PADI6: variants seen among roughly 807,000 people sequenced by gnomAD.
The protein encoded by PADI6 is peptidyl arginine deiminase 6.
Under a neutral mutation model 78.2 loss-of-function variants are expected in PADI6, and 66 were observed. The observed-to-expected ratio is 0.84, with a 90% CI of 0.69 to 1.04. The LOEUF is 1.04. PADI6 is among the 50% of genes least tolerant of loss of function. PADI6 has a pLI of 0.00. For synonymous variants in PADI6, 397 were observed against 346.9 expected, an observed-to-expected ratio of 1.14 and a Z score of -1.60; for missense variants, 854 against 866.1, an observed-to-expected ratio of 0.99 and a Z score of 0.18.
chr1:17,382,597 G>C (rs535197616), intron 6 of PADI6, among the ~76,000 whole-genome samples: 1 of 152,284 alleles, frequency 6.6e-6, no homozygotes, highest in South Asian at 2.1e-4. Flanking sequence ...CTCCTGGGAG[G>C]CAGGTAGCAT....
At chr1:17,389,192 G>A (rs1278939706) in intron 8 of PADI6, among the ~76,000 whole-genome samples, 1 of 152,206 alleles carries the variant, frequency 6.6e-6, no homozygotes, top group East Asian at 1.9e-4. Context: ...CTGTCCCAGG[G>A]ACGATGAAGC....
Position 17,392,207 on chromosome 1 carries a change from C to T in PADI6, c.1056C>T (p.Arg352=), listed in dbSNP as rs369052562. The T allele has an allele frequency of 6.3e-4, 988 of 1,556,414 alleles. 1 individual carries two copies. Among genetic ancestry groups the T allele is most frequent in the Non-Finnish European group, 8.2e-4 (948 of 1,149,780 alleles). ...QVASVYEDPN[R]LGRWLQDEMA... ...CATCTGTCTATGAGGACCCCAACCGCCTGGGCAGGTGGCTCCAGGTAACAC... is the reference window on the plus strand; with the variant it reads ...CATCTGTCTATGAGGACCCCAACCGTCTGGGCAGGTGGCTCCAGGTAACAC... The change falls in exon 9 of 16, where the codon CGC becomes CGT. Residue 352 remains arginine (R), a synonymous_variant. Coordinates refer to ENST00000619609, the MANE Select transcript of PADI6 (RefSeq NM_207421.4).
At chr1:17,387,518 G>C (rs940545787) in intron 6 of PADI6, among the ~76,000 whole-genome samples, 2 of 152,044 alleles carry the variant, frequency 1.3e-5, no homozygotes, top group Non-Finnish European at 2.9e-5. Flanking sequence ...GGAGGTCCGA[G>C]GTAGGCAGAT....
rs144547124 is a variant in PADI6 at position 17,379,111 on chromosome 1, A to ATTTTTTTTT, written c.368-796_368-788dup. On this transcript the variant is annotated intron_variant, in intron 3 of 15. Transcript: ENST00000619609. Reference sequence around the variant, plus strand: ...AGGTACCCTCCACCATGCCCAGTTAATTTTTTTTTTTTTTTTTTTTTAAGA... The same window carrying ATTTTTTTTT: ...AGGTACCCTCCACCATGCCCAGTTAATTTTTTTTTTTTTTTTTTTTTTTTTTTTTTAAGA... 8.2e-4 allele frequency among the ~76,000 whole-genome samples: 83 copies of ATTTTTTTTT among 100,804 alleles called. 6 individuals are homozygous for ATTTTTTTTT. Among genetic ancestry groups the ATTTTTTTTT allele is most frequent in the African/African-American group, 4.4e-3 (76 of 17,322 alleles). 66.1% of individuals were successfully genotyped at this position (100,804 alleles called of 152,430 possible). A position where few individuals can be genotyped will look rare whatever the true frequency, so the allele number is the denominator to read the frequency against.
rs1557608241 is a variant in PADI6, at chr1:17,394,967, A to G, written c.1354A>G (p.Met452Val). The stretch of plus-strand genomic sequence containing the variant: ...TCCTTCTAGCGCAGAGGGCCGGGCC[A>G]TGAGTAAGACCCTCCGAGACTTCCT... ...SFYPSAEGRAMSKTLRDFLYA... is the reference protein window; with the variant it reads ...SFYPSAEGRAVSKTLRDFLYA... Residue 452 changes from methionine (M) to valine (V), a missense_variant, in exon 12 of 16, where the codon ATG becomes GTG. Transcript: ENST00000619609. 6 of 1,612,476 alleles carry G rather than the reference A, an allele frequency of 3.7e-6. 1 individual carries two copies. In the South Asian group the frequency reaches 5.5e-5, roughly 15 times the overall value.
intron 7 of PADI6, 82 bp downstream of exon 7, chr1:17,388,641 G>A (rs2075151063): frequency 9.5e-6 from 14 of 1,469,732 alleles, no homozygotes; most frequent in East Asian, 2.4e-5. Flanking sequence ...GGCAGAGCTT[G>A]AGGTTTGCTG....
At chr1:17,397,044 A>G (rs372157861) in intron 13 of PADI6, 27 bp from the exon 14 acceptor site, 268 of 1,609,636 alleles carry the variant, frequency 1.7e-4, no homozygotes, top group Non-Finnish European at 2.2e-4. Flanking sequence ...CCTGACCAGC[A>G]GGCCTGCTGC....
At chr1:17,396,821 C>T (rs547553998) in intron 13 of PADI6, among the ~76,000 whole-genome samples, 1 of 152,364 alleles carries the variant, frequency 6.6e-6, no homozygotes, top group African/African-American at 2.4e-5. Context: ...AGGCTATTCC[C>T]CCTCATGCTG....
intron 8 of PADI6, among the ~76,000 whole-genome samples, chr1:17,389,119 A>G (rs2075157183): frequency 6.6e-6 from 1 of 152,220 alleles, no homozygotes; most frequent in Admixed American, 6.5e-5. Context: ...GCCAAACGGC[A>G]TGGTTTTAAA....
intron 6 of PADI6, among the ~76,000 whole-genome samples, chr1:17,385,738 C>T (rs972441625): frequency 1.3e-5 from 2 of 152,142 alleles, no homozygotes; most frequent in African/African-American, 4.8e-5. Context: ...ATGACATCGT[C>T]GTCCCCAAAA....
At chr1:17,397,650 C>CT (rs765229208) in intron 14 of PADI6, among the ~76,000 whole-genome samples, 10 of 152,008 alleles carry the variant, frequency 6.6e-5, no homozygotes, top group Non-Finnish European at 1.5e-4. Context: ...AGATACCTCA[C>CT]TACAAACCCT....
intron 6 of PADI6, among the ~76,000 whole-genome samples, chr1:17,384,200 C>G (rs991308632): frequency 6.6e-6 from 1 of 151,758 alleles, no homozygotes; most frequent in East Asian, 1.9e-4. Context: ...TTTTAACAAG[C>G]CTTCCAGGTG....
chr1:17,392,559 C>T (rs868008755), intron 9 of PADI6, among the ~76,000 whole-genome samples: 1 of 152,224 alleles, frequency 6.6e-6, no homozygotes, highest in Admixed American at 6.5e-5. Flanking sequence ...CTGACTCTGG[C>T]ACAGCACCAA....
chr1:17,399,119 C>T (rs2075276286), intron 15 of PADI6, among the ~76,000 whole-genome samples: 2 of 152,136 alleles, frequency 1.3e-5, no homozygotes, highest in African/African-American at 2.4e-5. Context: ...GCTGCGCCCC[C>T]AGTCTAAAAG....
chr1:17,388,434 A>ACC lies in PADI6; in HGVS notation c.734_735dup (p.Leu246ProfsTer9). On this transcript the variant is annotated frameshift_variant, in exon 7 of 16. Transcript: ENST00000619609. LOFTEE classifies it high-confidence loss of function. ...GCTGGGGCCCGACCAGCACGCCTAT[A>ACC]CCTTGGCCCTCCTCGGGAACCACTT... is the stretch of plus-strand genomic sequence containing the variant. The ACC allele has an allele frequency of 6.2e-7, 1 of 1,613,718 alleles. No individual in the cohort carries two copies. Among genetic ancestry groups the ACC allele is most frequent in the Non-Finnish European group, 8.5e-7 (1 of 1,179,798 alleles).
intron 8 of PADI6, among the ~76,000 whole-genome samples, chr1:17,390,263 T>C (rs1200066622): frequency 1.3e-5 from 2 of 151,614 alleles, no homozygotes; most frequent in Non-Finnish European, 2.9e-5. Context: ...ATAGCCCCAC[T>C]GCACTGCAGC....
chr1:17,383,240 T>TG (rs2075089667), intron 6 of PADI6, among the ~76,000 whole-genome samples: 1 of 152,214 alleles, frequency 6.6e-6, no homozygotes, highest in Non-Finnish European at 1.5e-5. Flanking sequence ...TCTGGGGCCT[T>TG]GGCTCAGTCT....
In PADI6 at chr1:17,395,109, T is replaced by G; in HGVS notation, c.1494+2T>G. On this transcript the variant is annotated splice_donor_variant, in intron 12 of 15. Coordinates refer to ENST00000619609, the MANE Select transcript of PADI6 (RefSeq NM_207421.4). LOFTEE classifies it high-confidence loss of function. ...GATGACAAGAATGAGGGCAAAAAGG[T>G]CTGCTTTGGGGTCTGGAGAAGGGAC... 1.2e-6 allele frequency: 2 copies of G among 1,613,538 alleles called. No homozygotes were observed. Among genetic ancestry groups the G allele is most frequent in the Non-Finnish European group, 1.7e-6 (2 of 1,179,612 alleles).
At chr1:17,392,634 T>A (rs2075199196) in intron 9 of PADI6, among the ~76,000 whole-genome samples, 1 of 152,212 alleles carries the variant, frequency 6.6e-6, no homozygotes, top group Non-Finnish European at 1.5e-5. Context: ...GATCATCACA[T>A]GCTAGGCACG....
Sources: gnomAD v4.1 joint callset for allele counts (sites outside exome capture counted in the v4.1 genomes callset) on GRCh38, gnomAD v4.1.1 for gene constraint, MANE v1.5 for transcripts, NCBI Gene and HGNC (gene_info 2026-07-23, HGNC 2026-07-21) for gene names.